The following EPHA6 variants were observed in gnomAD, a reference collection of about 807,000 sequenced individuals.
EPHA6 encodes the protein EPH receptor A6.
EPHA6 carries 50 observed loss-of-function variants against 112.0 expected under a neutral mutation model. That is an observed-to-expected ratio of 0.45 (90% confidence interval 0.36 to 0.56). EPHA6 has a LOEUF of 0.56. Among genes scored for constraint, EPHA6 ranks in the 20% least tolerant of loss-of-function variants. The pLI, the probability that EPHA6 is intolerant of heterozygous loss-of-function variation, is 0.00. For missense variants in EPHA6, 1,280 were observed against 1,417.4 expected (o/e 0.90, Z 1.56); for synonymous variants, 529 against 490.7 (o/e 1.08, Z -1.03).
intron 5 of EPHA6, among the ~76,000 whole-genome samples, chr3:97,365,048 A>T (rs2084637190): frequency 6.6e-6 from 1 of 152,196 alleles, no homozygotes; most frequent in South Asian, 2.1e-4. Flanking sequence ...ATAACTTAGT[A>T]ACTAGACCTG....
intron 14 of EPHA6, among the ~76,000 whole-genome samples, chr3:97,697,393 T>C (rs1300382031): frequency 6.6e-6 from 1 of 152,172 alleles, no homozygotes; most frequent in Non-Finnish European, 1.5e-5. Context: ...AAGAGTACTA[T>C]TTTAACATCC....
rs991983973 is a variant in EPHA6, at chr3:97,753,285, G to T, written c.*4584G>T. On this transcript the variant is annotated 3_prime_UTR_variant, in exon 18 of 18. Coordinates refer to ENST00000389672, the MANE Select transcript of EPHA6 (RefSeq NM_001080448.3). ...ATTATTAAAATTTAGAGCTTTATTT[G>T]CTATGTTTGCTATGGTTGCCATGTC... Among the ~76,000 whole-genome samples the T allele has an allele frequency of 5.3e-5, 8 of 152,042 alleles. No individual in the cohort carries two copies. Among genetic ancestry groups the T allele is most frequent in the African/African-American group, 1.9e-4 (8 of 41,432 alleles).
At chr3:97,110,619 G>A (rs1455327676) in intron 3 of EPHA6, among the ~76,000 whole-genome samples, 1 of 151,908 alleles carries the variant, frequency 6.6e-6, no homozygotes, top group Non-Finnish European at 1.5e-5. Flanking sequence ...CTGTCTCCAG[G>A]GTTCAAGCGA....
intron 9 of EPHA6, among the ~76,000 whole-genome samples, chr3:97,483,722 A>C (rs964104060): frequency 6.6e-6 from 1 of 152,208 alleles, no homozygotes; most frequent in Admixed American, 6.5e-5. Flanking sequence ...ACTTTCTAGA[A>C]ATCCACCAGG....
intron 3 of EPHA6, among the ~76,000 whole-genome samples, chr3:96,997,347 G>A (rs994763147): frequency 1.3e-5 from 2 of 151,860 alleles, no homozygotes; most frequent in African/African-American, 2.4e-5. Flanking sequence ...CTAACTCTGG[G>A]GCAAGAAGCT....
intron 10 of EPHA6, among the ~76,000 whole-genome samples, chr3:97,518,553 T>C (rs2092485009): frequency 6.6e-6 from 1 of 151,846 alleles, no homozygotes; most frequent in Non-Finnish European, 1.5e-5. Flanking sequence ...TGAGAGATCC[T>C]CCATACTGTT....
At chr3:97,096,351 A>G (rs953817191) in intron 3 of EPHA6, among the ~76,000 whole-genome samples, 1 of 151,880 alleles carries the variant, frequency 6.6e-6, no homozygotes, top group South Asian at 2.1e-4. Context: ...TTTCATAGGA[A>G]ATATGAGTAG....
At chr3:97,697,480 G>A (rs2033114573) in intron 14 of EPHA6, among the ~76,000 whole-genome samples, 1 of 152,104 alleles carries the variant, frequency 6.6e-6, no homozygotes, top group East Asian at 1.9e-4. Context: ...GGAACAAGTG[G>A]GATGCTTCTT....
At chr3:96,852,269 G>A (rs964154445) in intron 1 of EPHA6, among the ~76,000 whole-genome samples, 6 of 151,912 alleles carry the variant, frequency 3.9e-5, no homozygotes, top group African/African-American at 7.3e-5. Context: ...TGACCTGGGC[G>A]GATCACTTAA....
chr3:97,431,760 G>A (rs1473639752), intron 6 of EPHA6, among the ~76,000 whole-genome samples: 1 of 151,968 alleles, frequency 6.6e-6, no homozygotes. Context: ...CCACCAGATA[G>A]TTCTTTTCAT....
intron 7 of EPHA6, among the ~76,000 whole-genome samples, chr3:97,466,642 T>C (rs1207062629): frequency 2.0e-5 from 3 of 151,944 alleles, no homozygotes; most frequent in African/African-American, 4.8e-5. Context: ...CTGGTAAAAA[T>C]GGCAATTTTC....
chr3:97,272,451 G>A (rs1044019977), intron 5 of EPHA6, among the ~76,000 whole-genome samples: 2 of 152,090 alleles, frequency 1.3e-5, no homozygotes, highest in African/African-American at 4.8e-5. Flanking sequence ...TACACAAACC[G>A]AGATGATATT....
chr3:97,648,885 C>T (rs1415221692), intron 14 of EPHA6, among the ~76,000 whole-genome samples: 4 of 152,086 alleles, frequency 2.6e-5, no homozygotes, highest in Non-Finnish European at 5.9e-5. Context: ...GCTGGTGGAG[C>T]TGACACTGTG....
chr3:96,965,675 A>G (rs1559628427), intron 2 of EPHA6, among the ~76,000 whole-genome samples: 1 of 151,972 alleles, frequency 6.6e-6, no homozygotes, highest in African/African-American at 2.4e-5. Flanking sequence ...CAAATTTACC[A>G]ATTTTTCTCT....
At chr3:97,464,513 A>G (rs1024082301) in intron 7 of EPHA6, among the ~76,000 whole-genome samples, 1 of 152,142 alleles carries the variant, frequency 6.6e-6, no homozygotes, top group African/African-American at 2.4e-5. Flanking sequence ...AAGTAAAAAT[A>G]AAACCTCTCC....
chr3:97,539,018 TC>T (rs2092804097), intron 11 of EPHA6, among the ~76,000 whole-genome samples: 1 of 149,778 alleles, frequency 6.7e-6, no homozygotes, highest in African/African-American at 2.5e-5. Context: ...TTTCTTTCTT[TC>T]TTTCTTTCTT....
chr3:97,577,795 T>C (rs577588082), intron 11 of EPHA6, among the ~76,000 whole-genome samples: 1 of 152,256 alleles, frequency 6.6e-6, no homozygotes, highest in African/African-American at 2.4e-5. Context: ...TTTTCCGGTT[T>C]TTTGTTTTTG....
chr3:97,378,051 C>A (rs550677623), intron 5 of EPHA6, among the ~76,000 whole-genome samples: 4 of 152,196 alleles, frequency 2.6e-5, no homozygotes, highest in East Asian at 1.9e-4. Flanking sequence ...TGTCAGAGAC[C>A]TTTGCAGCAG....
intron 11 of EPHA6, among the ~76,000 whole-genome samples, chr3:97,548,645 T>G (rs1206708166): frequency 2.6e-5 from 4 of 152,212 alleles, no homozygotes; most frequent in Non-Finnish European, 5.9e-5. Flanking sequence ...ATGTAGCCTT[T>G]GGATTTGGCT....
Sources: gnomAD v4.1 joint callset for allele counts (sites outside exome capture counted in the v4.1 genomes callset) on GRCh38, gnomAD v4.1.1 for gene constraint, MANE v1.5 for transcripts, NCBI Gene and HGNC (gene_info 2026-07-23, HGNC 2026-07-21) for gene names.